PIP5K1B: variants seen among roughly 807,000 people sequenced by gnomAD.
The protein encoded by PIP5K1B is phosphatidylinositol 4-phosphate 5-kinase type-1 beta.
Under a neutral mutation model 67.0 loss-of-function variants are expected in PIP5K1B, and 42 were observed. The ratio of observed to expected loss-of-function variants is 0.63; its 90% CI spans 0.49 to 0.81. PIP5K1B has a LOEUF of 0.81. Ranked by LOEUF, PIP5K1B falls within the 30% of genes least tolerant of loss-of-function variation. The pLI is 0.00. For synonymous variants in PIP5K1B, 214 were observed against 231.4 expected, an observed-to-expected ratio of 0.92 and a Z score of 0.68; for missense variants, 459 against 646.3, an observed-to-expected ratio of 0.71 and a Z score of 3.14.
chr9:68,881,566 C>T (rs1824201899), intron 6 of PIP5K1B, among the ~76,000 whole-genome samples: 1 of 152,210 alleles, frequency 6.6e-6, no homozygotes, highest in Non-Finnish European at 1.5e-5. Flanking sequence ...GTGTGTATTT[C>T]TACTTAGCTT....
chr9:68,757,032 C>T (rs1318040439), intron 2 of PIP5K1B, among the ~76,000 whole-genome samples: 1 of 152,148 alleles, frequency 6.6e-6, no homozygotes, highest in Admixed American at 6.6e-5. Context: ...ATTAGAAATA[C>T]TTAATCTGCA....
rs370416076 is a variant in PIP5K1B, at chr9:68,819,668, A to G, written c.-1+1123A>G. On this transcript the variant is annotated intron_variant, in intron 3 of 15. Transcript: ENST00000265382. ...TGTGGTGCAGAAGCATAGCAAGTCTAAGAAGAAACAGTAGTCATCATTGTG... is the reference window on the plus strand; with the variant it reads ...TGTGGTGCAGAAGCATAGCAAGTCTGAGAAGAAACAGTAGTCATCATTGTG... Among the ~76,000 whole-genome samples the G allele has an allele frequency of 5.3e-5, 8 of 152,204 alleles. No homozygotes were observed. The East Asian group carries it at 1.2e-3, about 22-fold the overall frequency.
intron 4 of PIP5K1B, among the ~76,000 whole-genome samples, chr9:68,853,444 A>C (rs947799282): frequency 6.6e-6 from 1 of 152,220 alleles, no homozygotes; most frequent in African/African-American, 2.4e-5. Context: ...GGGTCTGCCC[A>C]CCATCTCAAG....
At chr9:68,945,164 T>C (rs1219417595) in intron 14 of PIP5K1B, among the ~76,000 whole-genome samples, 2 of 152,154 alleles carry the variant, frequency 1.3e-5, no homozygotes. Context: ...TTGGGTTTTT[T>C]TGAGAGAGTC....
At chr9:68,921,744 G>A (rs141476335) in intron 11 of PIP5K1B, among the ~76,000 whole-genome samples, 13,717 of 152,126 alleles carry the variant, frequency 0.09, 1,316 homozygotes, top group African/African-American at 0.25. Flanking sequence ...CCAGCTATTC[G>A]GGAGGCTGAG....
intron 15 of PIP5K1B, among the ~76,000 whole-genome samples, chr9:69,003,912 T>C (rs947088674): frequency 6.6e-5 from 10 of 152,224 alleles, no homozygotes; most frequent in African/African-American, 2.4e-4. Context: ...GCTTCTGGGT[T>C]AATTAGTGGA....
chr9:68,752,475 C>T lies in PIP5K1B; in HGVS notation c.-86+9818C>T, dbSNP rs188432046. Among the ~76,000 whole-genome samples, 46 of 152,196 alleles carry T rather than the reference C, an allele frequency of 3.0e-4. No homozygotes were observed. The East Asian group carries it at 8.9e-3, about 29-fold the overall frequency. On this transcript the variant is annotated intron_variant, in intron 2 of 15. Transcript: ENST00000265382. ...TAGCCATTGGAATATGGTTTGGTTT[C>T]CTTTTTATTCTTTCTTTTTTTTTCT...
chr9:68,807,053 AGTAT>A (rs1832910775), intron 2 of PIP5K1B, among the ~76,000 whole-genome samples: 1 of 152,072 alleles, frequency 6.6e-6, no homozygotes, highest in Non-Finnish European at 1.5e-5. Context: ...GCCAAGTAAA[AGTAT>A]TAACTCTAAT....
At chr9:68,768,573 C>T (rs1156919924) in intron 2 of PIP5K1B, among the ~76,000 whole-genome samples, 1 of 152,204 alleles carries the variant, frequency 6.6e-6, no homozygotes, top group Non-Finnish European at 1.5e-5. Context: ...TCCTCAGAGC[C>T]TAAGACAGCC....
At chr9:68,831,275 G>A (rs1834300405) in intron 4 of PIP5K1B, among the ~76,000 whole-genome samples, 1 of 152,148 alleles carries the variant, frequency 6.6e-6, no homozygotes, top group African/African-American at 2.4e-5. Flanking sequence ...CCAATCAAAA[G>A]CAATTTTAAA....
intron 2 of PIP5K1B, among the ~76,000 whole-genome samples, chr9:68,745,348 C>G (rs997199914): frequency 2.0e-5 from 3 of 152,192 alleles, no homozygotes; most frequent in Non-Finnish European, 4.4e-5. Flanking sequence ...TACTTGTAGC[C>G]ACACCGTAGG....
intron 4 of PIP5K1B, among the ~76,000 whole-genome samples, chr9:68,825,882 C>T (rs1833952441): frequency 6.6e-6 from 1 of 152,200 alleles, no homozygotes; most frequent in African/African-American, 2.4e-5. Context: ...CTGCCAGTAA[C>T]ATTCAGCGTC....
At chr9:68,925,979 A>T (rs1272281851) in intron 12 of PIP5K1B, among the ~76,000 whole-genome samples, 1 of 151,456 alleles carries the variant, frequency 6.6e-6, no homozygotes, top group Admixed American at 6.6e-5. Flanking sequence ...TGCTTTTAGT[A>T]AAGATGGGGT....
intron 12 of PIP5K1B, among the ~76,000 whole-genome samples, chr9:68,924,644 A>G (rs1008786326): frequency 3.3e-5 from 5 of 152,050 alleles, no homozygotes; most frequent in African/African-American, 1.2e-4. Flanking sequence ...AAATAATCCT[A>G]TATATAGTTA....
Position 68,924,401 on chromosome 9 carries a change from C to CGA in PIP5K1B, c.1201+1015_1201+1016insGA, listed in dbSNP as rs1341716504. On this transcript the variant is annotated intron_variant, in intron 12 of 15. Transcript: ENST00000265382. ...TGGGCAACAGAGTGACACTGCGCCT[C>CGA]AAAAAAAAAAAAAAAAAAAAAAAAT... 1.6e-3 allele frequency among the ~76,000 whole-genome samples: 138 copies of CGA among 86,738 alleles called. 7 individuals are homozygous for CGA. The highest frequency in any genetic ancestry group is 2.1e-3 in the Non-Finnish European group (96 of 45,576). 56.9% of individuals were successfully genotyped at this position (86,738 alleles called of 152,430 possible). A position where few individuals can be genotyped will look rare whatever the true frequency, so the allele number is the denominator to read the frequency against.
chr9:68,995,010 GGT>G (rs1830542239), intron 15 of PIP5K1B, among the ~76,000 whole-genome samples: 1 of 152,030 alleles, frequency 6.6e-6, no homozygotes, highest in Non-Finnish European at 1.5e-5. Flanking sequence ...CATGCTTGGT[GGT>G]GCATGCCTGT....
At chr9:68,754,175 C>CTTTTTTTTTTTCTTTTTTTTTTTTTTTT (rs564811222) in intron 2 of PIP5K1B, among the ~76,000 whole-genome samples, 2 of 101,076 alleles carry the variant, frequency 2.0e-5, no homozygotes, top group Admixed American at 1.1e-4. Context: ...TCCATGATTT[C>CTTTTTTTTTTTCTTTTTTTTTTTTTTTT]TTTTTTTTTT....
At chr9:68,880,701 T>C (rs958901015) in intron 6 of PIP5K1B, among the ~76,000 whole-genome samples, 1 of 152,076 alleles carries the variant, frequency 6.6e-6, no homozygotes, top group Non-Finnish European at 1.5e-5. Flanking sequence ...TTTGTCCACC[T>C]CCCTCATTCA....
At chr9:68,999,943 G>A (rs1425919416) in intron 15 of PIP5K1B, among the ~76,000 whole-genome samples, 1 of 152,198 alleles carries the variant, frequency 6.6e-6, no homozygotes, top group Non-Finnish European at 1.5e-5. Flanking sequence ...AGTGTTGTAC[G>A]TGCAAGGTCA....
Sources: allele counts gnomAD v4.1 joint callset (sites outside exome capture counted in the v4.1 genomes callset), GRCh38; gene constraint gnomAD v4.1.1; transcripts MANE v1.5; gene names NCBI Gene and HGNC (gene_info 2026-07-23, HGNC 2026-07-21).